The following TSPAN18 variants were observed in gnomAD, a reference collection of about 807,000 sequenced individuals.
TSPAN18 encodes tetraspanin-18.
In TSPAN18, 14 loss-of-function variants were observed where a neutral mutation model predicts 27.3. That is an observed-to-expected ratio of 0.51 (90% confidence interval 0.34 to 0.80). TSPAN18 has a LOEUF of 0.80. Ranked by LOEUF, TSPAN18 falls within the 30% of genes least tolerant of loss-of-function variation. The pLI is 0.01. For missense variants in TSPAN18, 268 were observed against 323.9 expected, an observed-to-expected ratio of 0.83 and a Z score of 1.32; for synonymous variants, 143 against 136.5, an observed-to-expected ratio of 1.05 and a Z score of -0.33.
chr11:44,795,531 A>G (rs1422918061), intron 2 of TSPAN18, among the ~76,000 whole-genome samples: 4 of 152,104 alleles, frequency 2.6e-5, no homozygotes, highest in African/African-American at 9.7e-5. Flanking sequence ...GGCTACTGCA[A>G]TAGTCCAAGC....
At chr11:44,869,975 C>G (rs761566716) in intron 3 of TSPAN18, among the ~76,000 whole-genome samples, 1 of 144,800 alleles carries the variant, frequency 6.9e-6, no homozygotes, top group African/African-American at 2.6e-5. Flanking sequence ...CTTGTGACCT[C>G]AGGCCTCAGC....
intron 2 of TSPAN18, among the ~76,000 whole-genome samples, chr11:44,856,990 T>C (rs1857756086): frequency 6.6e-6 from 1 of 152,244 alleles, no homozygotes; most frequent in Non-Finnish European, 1.5e-5. Context: ...AATGGCCTTC[T>C]GGTTTCTGGC....
At chr11:44,924,355 A>G (rs1378141192) in intron 8 of TSPAN18, among the ~76,000 whole-genome samples, 1 of 152,184 alleles carries the variant, frequency 6.6e-6, no homozygotes, top group South Asian at 2.1e-4. Flanking sequence ...CCCATTGTAC[A>G]GATGGGGCAA....
intron 3 of TSPAN18, among the ~76,000 whole-genome samples, chr11:44,877,095 G>A (rs117692952): frequency 0.023 from 3,489 of 152,348 alleles, 65 homozygotes; most frequent in Middle Eastern, 0.058. Context: ...TGTGGGAAGG[G>A]CCATGCACTG....
In TSPAN18 at chr11:44,844,474, A is replaced by G. The variant is rs76381820; in HGVS notation, c.-152-15854A>G. ...CCTGCTAGCAGTGTGGAACAGTTCT[A>G]GTTGCCCTACCTCCTCATCCACACT... is the stretch of plus-strand genomic sequence containing the variant. On this transcript the variant is annotated intron_variant, in intron 2 of 9. Coordinates refer to ENST00000520358, the MANE Select transcript of TSPAN18 (RefSeq NM_130783.5). Among the ~76,000 whole-genome samples the G allele has an allele frequency of 2.4e-3, 372 of 152,348 alleles. 2 individuals are homozygous for G. The highest frequency in any genetic ancestry group is 8.7e-3 in the African/African-American group (360 of 41,580).
intron 2 of TSPAN18, among the ~76,000 whole-genome samples, chr11:44,808,531 C>T (rs1394890788): frequency 6.6e-6 from 1 of 152,202 alleles, no homozygotes; most frequent in Non-Finnish European, 1.5e-5. Flanking sequence ...CTGTGGCTCT[C>T]ACTTTTCTCT....
At chr11:44,732,333 A>G (rs912971524) in intron 1 of TSPAN18, among the ~76,000 whole-genome samples, 9 of 152,232 alleles carry the variant, frequency 5.9e-5, no homozygotes, top group Non-Finnish European at 7.3e-5. Context: ...TCCGCCTACA[A>G]GGATGGTTTG....
chr11:44,818,127 G>A (rs1856850377), intron 2 of TSPAN18, among the ~76,000 whole-genome samples: 1 of 152,330 alleles, frequency 6.6e-6, no homozygotes, highest in South Asian at 2.1e-4. Flanking sequence ...GGAGAGCAGG[G>A]AGCACTGGCC....
intron 3 of TSPAN18, among the ~76,000 whole-genome samples, chr11:44,890,203 C>T (rs1858797160): frequency 6.6e-6 from 1 of 152,204 alleles, no homozygotes; most frequent in Non-Finnish European, 1.5e-5. Flanking sequence ...TGAGCCATTA[C>T]CTTCAAGGCC....
intron 8 of TSPAN18, among the ~76,000 whole-genome samples, chr11:44,920,235 G>A (rs1366054023): frequency 2.0e-5 from 3 of 152,208 alleles, no homozygotes; most frequent in Admixed American, 6.5e-5. Context: ...GTCTGCCGCT[G>A]GAGTGGGCAT....
At chr11:44,871,496 T>C (rs983229773) in intron 3 of TSPAN18, among the ~76,000 whole-genome samples, 10 of 152,134 alleles carry the variant, frequency 6.6e-5, no homozygotes, top group Non-Finnish European at 1.0e-4. Flanking sequence ...TATTTATTCT[T>C]CCCCACACAT....
intron 3 of TSPAN18, among the ~76,000 whole-genome samples, chr11:44,881,928 C>A (rs1858499626): frequency 6.6e-6 from 1 of 152,242 alleles, no homozygotes; most frequent in Non-Finnish European, 1.5e-5. Flanking sequence ...TCTCTAATAA[C>A]ATTTGCTGTT....
intron 2 of TSPAN18, among the ~76,000 whole-genome samples, chr11:44,810,230 C>T (rs1019723451): frequency 2.6e-5 from 4 of 152,190 alleles, no homozygotes; most frequent in African/African-American, 9.6e-5. Context: ...TAGCCACCAC[C>T]TCCGTCAAGT....
At chr11:44,926,015 G>A (rs1860339752) in intron 8 of TSPAN18, among the ~76,000 whole-genome samples, 1 of 152,134 alleles carries the variant, frequency 6.6e-6, no homozygotes, top group African/African-American at 2.4e-5. Context: ...GTATCTCTAG[G>A]ATTGCTTAAG....
chr11:44,891,616 G>C (rs1858852033), intron 3 of TSPAN18, among the ~76,000 whole-genome samples: 1 of 152,184 alleles, frequency 6.6e-6, no homozygotes, highest in South Asian at 2.1e-4. Flanking sequence ...GCTCTGGCTT[G>C]TGCAAGGCTG....
chr11:44,777,976 C>T (rs1014123459), intron 2 of TSPAN18, among the ~76,000 whole-genome samples: 1 of 152,046 alleles, frequency 6.6e-6, no homozygotes, highest in Non-Finnish European at 1.5e-5. Context: ...AAGGATTTTT[C>T]CCCCCAACAG....
intron 2 of TSPAN18, among the ~76,000 whole-genome samples, chr11:44,843,927 G>T (rs1434060097): frequency 6.6e-6 from 1 of 152,156 alleles, no homozygotes; most frequent in Non-Finnish European, 1.5e-5. Context: ...TAGAATTTAT[G>T]TAGTTAACGC....
intron 2 of TSPAN18, among the ~76,000 whole-genome samples, chr11:44,798,363 G>A (rs1177000819): frequency 2.0e-5 from 2 of 98,446 alleles, no homozygotes. Context: ...TCATTTCACA[G>A]ACAGGGAAAG....
At chr11:44,752,790 C>T (rs1396989579) in intron 1 of TSPAN18, among the ~76,000 whole-genome samples, 2 of 152,142 alleles carry the variant, frequency 1.3e-5, no homozygotes, top group East Asian at 1.9e-4. Context: ...GAAAGAATGC[C>T]TGAATATGAT....
Sources: allele counts gnomAD v4.1 joint callset (sites outside exome capture counted in the v4.1 genomes callset), GRCh38; gene constraint gnomAD v4.1.1; transcripts MANE v1.5; gene names NCBI Gene and HGNC (gene_info 2026-07-23, HGNC 2026-07-21).